SLC6A17: variants seen among roughly 807,000 people sequenced by gnomAD.
The protein encoded by SLC6A17 is solute carrier family 6 member 17.
A neutral mutation model predicts 64.5 loss-of-function variants in SLC6A17; 21 were observed. That is an observed-to-expected ratio of 0.33 (90% confidence interval 0.23 to 0.47). The LOEUF (loss-of-function observed/expected upper bound fraction) is 0.47, where lower values mean the gene tolerates loss of function less well. SLC6A17 is among the 20% of genes least tolerant of loss of function. The probability of loss-of-function intolerance (pLI) is 1.00; values close to 1 mark genes in which losing one functional copy is unlikely to be tolerated. For synonymous variants in SLC6A17, 372 were observed against 399.5 expected (o/e 0.93, Z 0.82); for missense variants, 682 against 963.2 (o/e 0.71, Z 3.86).
Position 110,192,054 on chromosome 1 carries a change from T to A in SLC6A17, c.947T>A (p.Val316Asp), listed in dbSNP as rs1403124095. The change falls in exon 7 of 12, where the codon GTC (valine) becomes GAC (aspartate). Residue 316 changes from valine (V) to aspartate (D), a missense_variant. By Grantham distance (152) the Val-to-Asp change is radical. Transcript: ENST00000331565. This position sits in a 1 kb window ranked among gnomAD's most constrained non-coding sequence, Gnocchi z 4.3. ...FFALGLGFGGVIAFSSYNKQD... is the reference protein window; with the variant it reads ...FFALGLGFGGDIAFSSYNKQD... ...GCCTTGGGCCTGGGCTTTGGTGGTG[T>A]CATTGCCTTCTCCAGCTACAATAAG... 1 of 1,614,054 alleles carries A rather than the reference T, an allele frequency of 6.2e-7. No individual in the cohort carries two copies. Among genetic ancestry groups the A allele is most frequent in the African/African-American group, 1.3e-5 (1 of 74,908 alleles).
chr1:110,174,181 T>G (rs941785480), intron 4 of SLC6A17, 82 bp downstream of exon 4: 2 of 1,547,766 alleles, frequency 1.3e-6, no homozygotes, highest in Non-Finnish European at 1.7e-6. Context: ...ACATTTGGAA[T>G]TTCAGACTTG....
chr1:110,154,232 A>C (rs1490674551), intron 1 of SLC6A17, among the ~76,000 whole-genome samples: 2 of 152,218 alleles, frequency 1.3e-5, no homozygotes, highest in East Asian at 3.8e-4. Context: ...CAGTTTACAG[A>C]TTGTAAAATT....
intron 6 of SLC6A17, among the ~76,000 whole-genome samples, chr1:110,182,950 G>A (rs1423343889): frequency 6.6e-6 from 1 of 152,192 alleles, no homozygotes; most frequent in Non-Finnish European, 1.5e-5. Flanking sequence ...GATGGTAACT[G>A]GAGAGGGTCA....
At chr1:110,160,536 G>C (rs1047849369) in intron 1 of SLC6A17, among the ~76,000 whole-genome samples, 1 of 152,262 alleles carries the variant, frequency 6.6e-6, no homozygotes, top group East Asian at 1.9e-4. Context: ...GGAGATTGCT[G>C]TTCAGAAAAG....
chr1:110,155,603 C>A (rs902607607), intron 1 of SLC6A17, among the ~76,000 whole-genome samples: 1 of 152,072 alleles, frequency 6.6e-6, no homozygotes, highest in African/African-American at 2.4e-5. Context: ...GCTCACAGGC[C>A]CTGGGGTCAC....
chr1:110,195,505 G>A, intron 9 of SLC6A17, 81 bp from the exon 10 acceptor site: 2 of 1,542,488 alleles, frequency 1.3e-6, no homozygotes, highest in Non-Finnish European at 1.8e-6. Flanking sequence ...GTGATGGGAG[G>A]GGCCTGGGTG....
intron 6 of SLC6A17, among the ~76,000 whole-genome samples, chr1:110,179,182 G>A (rs1656447938): frequency 6.6e-6 from 1 of 152,166 alleles, no homozygotes; most frequent in Admixed American, 6.5e-5. Context: ...TCATTCTCTA[G>A]TAAATGATCA....
intron 6 of SLC6A17, chr1:110,177,757 A>C (rs1195237301): frequency 6.6e-6 from 1 of 152,256 alleles, no homozygotes; most frequent in African/African-American, 2.4e-5. Context: ...ACACACACAC[A>C]CCCCTTTACA....
intron 5 of SLC6A17, among the ~76,000 whole-genome samples, chr1:110,175,724 T>G (rs1378279850): frequency 6.6e-6 from 1 of 152,206 alleles, no homozygotes; most frequent in African/African-American, 2.4e-5. Context: ...CCAGATTTGA[T>G]GAGCAAGGAA....
chr1:110,192,940 C>T lies in SLC6A17; in HGVS notation c.1299+242C>T, dbSNP rs139080676. ...GCAGACACACACCTCTCAGAAGTCA[C>T]AGTAAGTGTATGGGACGATGTTTCC... On this transcript the variant is annotated intron_variant, in intron 8 of 11. Coordinates refer to ENST00000331565, the MANE Select transcript of SLC6A17 (RefSeq NM_001010898.4). The surrounding 1 kb of genome is among the most constrained non-coding windows in gnomAD (Gnocchi z 4.3). Among the ~76,000 whole-genome samples the T allele has an allele frequency of 6.3e-3, 955 of 152,332 alleles. 10 individuals are homozygous for T. The highest frequency in any genetic ancestry group is 0.022 in the African/African-American group (908 of 41,568).
chr1:110,196,860 C>A (rs1489391263), intron 10 of SLC6A17, among the ~76,000 whole-genome samples: 1 of 152,154 alleles, frequency 6.6e-6, no homozygotes, highest in African/African-American at 2.4e-5. Context: ...TGGTGACAGT[C>A]ACAGGTATTG....
At chr1:110,173,827 C>T (rs1304753245) in intron 3 of SLC6A17, 146 bp from the exon 4 acceptor site, 30 of 1,162,128 alleles carry the variant, frequency 2.6e-5, no homozygotes, top group South Asian at 4.3e-5. Context: ...AGCTCCTCCA[C>T]GGCCCGCACC....
chr1:110,197,421 C>G lies in SLC6A17; in HGVS notation c.1653-16C>G. 1 of 1,603,412 alleles carries G rather than the reference C, an allele frequency of 6.2e-7. No individual in the cohort carries two copies. The highest frequency in any genetic ancestry group is 8.5e-7 in the Non-Finnish European group (1 of 1,174,908). Reference sequence around the variant, plus strand: ...TGAGGGATGCCAACTGCTGGACCCTCTGCTATGCCTGGCAGGTTCATGCAG... The same window carrying G: ...TGAGGGATGCCAACTGCTGGACCCTGTGCTATGCCTGGCAGGTTCATGCAG... On this transcript the variant is annotated splice_polypyrimidine_tract_variant and intron_variant, in intron 10 of 11. Coordinates refer to ENST00000331565, the MANE Select transcript of SLC6A17 (RefSeq NM_001010898.4).
At chr1:110,151,165 C>G (rs1413778446) in intron 1 of SLC6A17, among the ~76,000 whole-genome samples, 1 of 152,178 alleles carries the variant, frequency 6.6e-6, no homozygotes, top group Non-Finnish European at 1.5e-5. Context: ...TCAGAAGGGC[C>G]CAAGAACTCC....
In SLC6A17 at chr1:110,200,245, C is replaced by T; in HGVS notation, c.*1801C>T. 2.5e-6 allele frequency: 1 copy of T among 396,812 alleles called. No homozygotes were observed. The highest frequency in any genetic ancestry group is 1.4e-4 in the South Asian group (1 of 7,092). The allele number at this position is 396,812 out of a possible 1,614,324, so 24.6% of individuals were successfully genotyped here. A position where few individuals can be genotyped will look rare whatever the true frequency, so the allele number is the denominator to read the frequency against. Reference sequence around the variant, plus strand: ...ACCCTGCCATCTCCCTTACTCATCCCTCTTCCACAGCTTCCCCTTTCTAGC... The same window carrying T: ...ACCCTGCCATCTCCCTTACTCATCCTTCTTCCACAGCTTCCCCTTTCTAGC... On this transcript the variant is annotated 3_prime_UTR_variant, in exon 12 of 12. Transcript: ENST00000331565.
chr1:110,193,903 T>C (rs1656892770), intron 8 of SLC6A17, among the ~76,000 whole-genome samples: 1 of 152,208 alleles, frequency 6.6e-6, no homozygotes, highest in Non-Finnish European at 1.5e-5. Context: ...GAAGAAATGT[T>C]CCCTTACAAT....
chr1:110,167,110 C>T lies in SLC6A17; in HGVS notation c.181C>T (p.Pro61Ser). ...VEEELDAEDR[P>S]AWNSKLQYIL... The stretch of plus-strand genomic sequence containing the variant: ...GGAGGAGCTGGATGCAGAGGACCGG[C>T]CGGCCTGGAACAGTAAGCTGCAGTA... The change falls in exon 2 of 12, where the codon CCG becomes TCG. Residue 61 changes from proline (P) to serine (S), a missense_variant. Coordinates refer to ENST00000331565, the MANE Select transcript of SLC6A17 (RefSeq NM_001010898.4). 2 of 1,612,880 alleles carry T rather than the reference C, an allele frequency of 1.2e-6. No individual in the cohort carries two copies. The highest frequency in any genetic ancestry group is 1.1e-5 in the South Asian group (1 of 90,880).
chr1:110,194,849 G>C (rs1042272950), intron 9 of SLC6A17, 78 bp downstream of exon 9: 1 of 1,555,270 alleles, frequency 6.4e-7, no homozygotes, highest in African/African-American at 1.4e-5. Flanking sequence ...CTTCTGACTG[G>C]GTCCTTCATG....
chr1:110,166,032 C>T (rs543741061), intron 1 of SLC6A17, among the ~76,000 whole-genome samples: 2 of 152,342 alleles, frequency 1.3e-5, no homozygotes, highest in East Asian at 3.9e-4. Context: ...GTTTTGCCTC[C>T]TCCGCCCATG....
Sources: allele counts gnomAD v4.1 joint callset (sites outside exome capture counted in the v4.1 genomes callset), GRCh38; gene constraint gnomAD v4.1.1; non-coding constraint Gnocchi (gnomAD v3.1); transcripts MANE v1.5; gene names NCBI Gene and HGNC (gene_info 2026-07-23, HGNC 2026-07-21).